CALN1: variants seen among roughly 807,000 people sequenced by gnomAD.
CALN1 encodes calneuron 1, also known as calcium-binding protein 8.
In CALN1, 17 loss-of-function variants were observed where a neutral mutation model predicts 30.6. The observed-to-expected ratio is 0.56, with a 90% CI of 0.38 to 0.83. The LOEUF is 0.83. Among genes scored for constraint, CALN1 ranks in the 40% least tolerant of loss-of-function variants. CALN1 has a pLI of 0.00. For missense variants in CALN1, 291 were observed against 354.9 expected, an observed-to-expected ratio of 0.82 and a Z score of 1.45; for synonymous variants, 156 against 131.4, an observed-to-expected ratio of 1.19 and a Z score of -1.28.
intron 2 of CALN1, among the ~76,000 whole-genome samples, chr7:72,383,820 C>T (rs1403615485): frequency 1.3e-5 from 2 of 152,144 alleles, no homozygotes; most frequent in African/African-American, 4.8e-5. Flanking sequence ...GATGAGTTGG[C>T]CCTGTTGTCC....
intron 3 of CALN1, among the ~76,000 whole-genome samples, chr7:72,182,486 G>A (rs541641087): frequency 3.3e-5 from 5 of 152,226 alleles, no homozygotes; most frequent in East Asian, 1.9e-4. Flanking sequence ...TTAGGAGGCC[G>A]AGAAGAGCAG....
intron 4 of CALN1, among the ~76,000 whole-genome samples, chr7:72,082,629 C>G (rs931585148): frequency 3.9e-5 from 6 of 152,210 alleles, no homozygotes; most frequent in African/African-American, 1.4e-4. Flanking sequence ...AGCATAAAGA[C>G]ATCTGCAGAG....
intron 2 of CALN1, among the ~76,000 whole-genome samples, chr7:72,298,744 C>T (rs759130287): frequency 2.7e-5 from 4 of 147,878 alleles, no homozygotes; most frequent in Non-Finnish European, 5.9e-5. Context: ...ATTATGGGGG[C>T]GGGTCTTTCC....
At chr7:72,501,976 T>TATAC in the CALN1 span, among the ~76,000 whole-genome samples, 1 of 108,632 alleles carries the variant, frequency 9.2e-6, no homozygotes, top group African/African-American at 4.3e-5. Context: ...TAAATATATA[T>TATAC]ACACACATAT....
intron 5 of CALN1, among the ~76,000 whole-genome samples, chr7:71,919,240 CCACT>C (rs1483066451): frequency 6.6e-6 from 1 of 152,130 alleles, no homozygotes; most frequent in African/African-American, 2.4e-5. Context: ...TTCAAATTTC[CCACT>C]CAAAATCTTT....
chr7:72,366,980 GA>G (rs761921404), intron 2 of CALN1, among the ~76,000 whole-genome samples: 62 of 152,198 alleles, frequency 4.1e-4, no homozygotes, highest in Non-Finnish European at 8.2e-4. Context: ...CAAAGGGAAA[GA>G]ATATACCACA....
At chr7:72,151,021 C>T (rs917242936) in intron 3 of CALN1, among the ~76,000 whole-genome samples, 1 of 152,108 alleles carries the variant, frequency 6.6e-6, no homozygotes, top group African/African-American at 2.4e-5. Context: ...ACACTGCCTT[C>T]CCGTCCTTGC....
the CALN1 span, among the ~76,000 whole-genome samples, chr7:72,457,230 G>A: frequency 9.2e-5 from 14 of 151,954 alleles, no homozygotes; most frequent in Admixed American, 5.9e-4. Context: ...GTCTGGTCTC[G>A]AACTCCTGAC....
chr7:71,923,747 A>G (rs943031782), intron 5 of CALN1, among the ~76,000 whole-genome samples: 3 of 152,090 alleles, frequency 2.0e-5, no homozygotes, highest in African/African-American at 7.2e-5. Flanking sequence ...TCCTTCCTGG[A>G]GACAGCTAGA....
intron 2 of CALN1, among the ~76,000 whole-genome samples, chr7:72,381,540 A>C (rs1294988887): frequency 6.6e-6 from 1 of 152,198 alleles, no homozygotes; most frequent in Non-Finnish European, 1.5e-5. Context: ...GGGGCATATG[A>C]GTCCTTCGCA....
intron 1 of CALN1, among the ~76,000 whole-genome samples, chr7:72,439,396 C>G (rs1211188816): frequency 6.6e-6 from 1 of 152,014 alleles, no homozygotes; most frequent in Non-Finnish European, 1.5e-5. Flanking sequence ...GGAAGCCTTA[C>G]TGATAACGTA....
intron 2 of CALN1, among the ~76,000 whole-genome samples, chr7:72,398,628 G>A (rs1245029340): frequency 4.6e-5 from 7 of 152,158 alleles, no homozygotes. Context: ...TGGCATCATG[G>A]ATGAGTCAGC....
At chr7:71,793,444 G>A (rs959627975) in intron 6 of CALN1, among the ~76,000 whole-genome samples, 1 of 152,190 alleles carries the variant, frequency 6.6e-6, no homozygotes, top group African/African-American at 2.4e-5. Context: ...ACATCATCAC[G>A]AATAGTGTGG....
chr7:71,825,455 G>C (rs1788855273), intron 5 of CALN1, among the ~76,000 whole-genome samples: 1 of 152,054 alleles, frequency 6.6e-6, no homozygotes, highest in African/African-American at 2.4e-5. Context: ...CATCGTATTA[G>C]TCCGTTTTCA....
At chr7:71,817,833 AC>A (rs545708386) in intron 5 of CALN1, among the ~76,000 whole-genome samples, 2 of 151,850 alleles carry the variant, frequency 1.3e-5, no homozygotes, top group Non-Finnish European at 2.9e-5. Flanking sequence ...TTTATTAATT[AC>A]ATTACGTAAC....
chr7:72,023,690 A>G lies in CALN1; in HGVS notation c.468T>C (p.Phe156=), dbSNP rs1562985443. The G allele has an allele frequency of 6.2e-7, 1 of 1,614,056 alleles. No individual in the cohort carries two copies. Among genetic ancestry groups the G allele is most frequent in the East Asian group, 2.2e-5 (1 of 44,868 alleles). Residue 156 remains phenylalanine, a synonymous_variant, in exon 5 of 7, where the codon TTT becomes TTC. Transcript: ENST00000395275. ...ATATGCTGTCTATCGTGTTCCCAAGAAAACCATCGCGACCTTCTGAAGACA... is the reference window on the plus strand; with the variant it reads ...ATATGCTGTCTATCGTGTTCCCAAGGAAACCATCGCGACCTTCTGAAGACA... ...KLVSSEGRDG[F]LGNTIDSIFW... is the part of the protein sequence containing the mutation.
chr7:71,820,765 A>G (rs1788541018), intron 5 of CALN1, among the ~76,000 whole-genome samples: 2 of 152,208 alleles, frequency 1.3e-5, no homozygotes, highest in South Asian at 4.1e-4. Context: ...CATCAGAGAA[A>G]TTACTTGATC....
At chr7:71,983,442 T>C (rs1562955357) in intron 5 of CALN1, among the ~76,000 whole-genome samples, 1 of 152,188 alleles carries the variant, frequency 6.6e-6, no homozygotes, top group Non-Finnish European at 1.5e-5. Flanking sequence ...TATTCACACA[T>C]ACACACACCC....
At chr7:72,107,374 A>G (rs1280275903) in intron 3 of CALN1, among the ~76,000 whole-genome samples, 1 of 152,210 alleles carries the variant, frequency 6.6e-6, no homozygotes, top group African/African-American at 2.4e-5. Flanking sequence ...TGTTTTGTAG[A>G]TATAAACAAC....
Sources: allele counts gnomAD v4.1 joint callset (sites outside exome capture counted in the v4.1 genomes callset), GRCh38; gene constraint gnomAD v4.1.1; transcripts MANE v1.5; gene names NCBI Gene and HGNC (gene_info 2026-07-23, HGNC 2026-07-21).